PADI6: variants seen among roughly 807,000 people sequenced by gnomAD.
PADI6 encodes peptidyl arginine deiminase 6.
PADI6 carries 66 observed loss-of-function variants against 78.2 expected under a neutral mutation model. The observed-to-expected ratio is 0.84, with a 90% confidence interval of 0.69 to 1.04. The LOEUF (loss-of-function observed/expected upper bound fraction) is 1.04, where lower values mean the gene tolerates loss of function less well. PADI6 is among the 50% of genes least tolerant of loss of function. PADI6 has a pLI of 0.00. For synonymous variants in PADI6, 397 were observed against 346.9 expected, an observed-to-expected ratio of 1.14 and a Z score of -1.60; for missense variants, 854 against 866.1, an observed-to-expected ratio of 0.99 and a Z score of 0.18.
At chr1:17,391,974 G>C in intron 8 of PADI6, 140 bp from the exon 9 acceptor site, 3 of 665,280 alleles carry the variant, frequency 4.5e-6, no homozygotes, top group Non-Finnish European at 7.9e-6. Context: ...GTCAGGGATG[G>C]TTGCTCTGTC....
At chr1:17,397,229 G>T (rs1553154324) in intron 14 of PADI6, 88 bp downstream of exon 14, 1 of 1,466,716 alleles carries the variant, frequency 6.8e-7, no homozygotes, top group East Asian at 2.3e-5. Context: ...CTCCTGAGGG[G>T]TGAAGTGTTG....
chr1:17,388,233 A>G, intron 6 of PADI6, 148 bp from the exon 7 acceptor site: 1 of 674,972 alleles, frequency 1.5e-6, no homozygotes. Flanking sequence ...AATGCTAGAA[A>G]CGGGGATGGC....
chr1:17,378,040 T>C (rs931817846), intron 3 of PADI6, among the ~76,000 whole-genome samples: 1 of 152,224 alleles, frequency 6.6e-6, no homozygotes, highest in African/African-American at 2.4e-5. Flanking sequence ...TTGGCCACTC[T>C]AACCCTTGGC....
chr1:17,387,286 A>G (rs1195366712), intron 6 of PADI6, among the ~76,000 whole-genome samples: 1 of 152,098 alleles, frequency 6.6e-6, no homozygotes, highest in African/African-American at 2.4e-5. Flanking sequence ...TCTACTAAAA[A>G]TACAAAAAAC....
At chr1:17,372,390 G>A (rs747350273) in intron 1 of PADI6, 29 bp downstream of exon 1, 14 of 1,603,936 alleles carry the variant, frequency 8.7e-6, no homozygotes, top group Non-Finnish European at 7.7e-6. Flanking sequence ...TGCCAGAGGT[G>A]GCAGGCAGAC....
intron 4 of PADI6, among the ~76,000 whole-genome samples, chr1:17,380,297 C>T (rs1258226117): frequency 2.6e-5 from 4 of 151,348 alleles, no homozygotes; most frequent in African/African-American, 9.7e-5. Context: ...GTAATCTCCA[C>T]CTCCCAGGTT....
intron 15 of PADI6, 142 bp downstream of exon 15, chr1:17,398,989 C>CATTT (rs2075275122): frequency 3.1e-6 from 3 of 964,536 alleles, no homozygotes; most frequent in Non-Finnish European, 4.5e-6. Flanking sequence ...CCCTTCTCCC[C>CATTT]CATCTCGGTT....
intron 14 of PADI6, among the ~76,000 whole-genome samples, chr1:17,397,432 G>T (rs748005681): frequency 6.6e-6 from 1 of 152,190 alleles, no homozygotes; most frequent in Non-Finnish European, 1.5e-5. Flanking sequence ...GCTTTCTATG[G>T]TGTCAGATGG....
chr1:17,401,519 T>C lies in PADI6; in HGVS notation c.*81T>C. ...TGCAACAGCATGATTCTTTGCCCAG[T>C]AGAGGAGGCTGGAGAGTCCAGGCAA... is the stretch of plus-strand genomic sequence containing the variant. On this transcript the variant is annotated 3_prime_UTR_variant, in exon 16 of 16. Coordinates refer to ENST00000619609, the MANE Select transcript of PADI6 (RefSeq NM_207421.4). 7.7e-6 allele frequency: 10 copies of C among 1,295,782 alleles called. No individual in the cohort carries two copies. Among genetic ancestry groups the C allele is most frequent in the South Asian group, 1.4e-5 (1 of 73,958 alleles). The allele number at this position is 1,295,782 out of a possible 1,614,324, so 80.3% of individuals were successfully genotyped here. A position where few individuals can be genotyped will look rare whatever the true frequency, so the allele number is the denominator to read the frequency against.
At chr1:17,381,477 G>A (rs2075072716) in intron 5 of PADI6, among the ~76,000 whole-genome samples, 1 of 152,214 alleles carries the variant, frequency 6.6e-6, no homozygotes, top group African/African-American at 2.4e-5. Flanking sequence ...AACTATATCA[G>A]TTGGTTGACA....
chr1:17,395,744 G>T (rs1469791843), intron 13 of PADI6, 81 bp downstream of exon 13: 12 of 1,488,848 alleles, frequency 8.1e-6, no homozygotes, highest in East Asian at 2.3e-5. Context: ...ATTCTGTCAC[G>T]CTTGGCGTAA....
chr1:17,398,955 C>A, intron 15 of PADI6, 108 bp downstream of exon 15: 20 of 1,246,852 alleles, frequency 1.6e-5, no homozygotes, highest in Non-Finnish European at 2.1e-5. Context: ...GATAACGGTA[C>A]CTATGAGGAA....
intron 13 of PADI6, among the ~76,000 whole-genome samples, chr1:17,396,321 G>A (rs774914237): frequency 6.6e-6 from 1 of 152,220 alleles, no homozygotes; most frequent in Non-Finnish European, 1.5e-5. Flanking sequence ...GGGAGGTGGA[G>A]GTTGCGGTGA....
intron 6 of PADI6, among the ~76,000 whole-genome samples, chr1:17,383,525 CA>C (rs1470469113): frequency 2.0e-5 from 3 of 152,228 alleles, no homozygotes; most frequent in African/African-American, 7.2e-5. Context: ...TCATGTGGAT[CA>C]TAGCGAACTA....
At chr1:17,382,482 A>G (rs561760550) in intron 6 of PADI6, among the ~76,000 whole-genome samples, 2 of 152,288 alleles carry the variant, frequency 1.3e-5, no homozygotes, top group South Asian at 4.1e-4. Flanking sequence ...ATGATCCACT[A>G]TGTTAAATTT....
chr1:17,382,010 C>T lies in PADI6; in HGVS notation c.597C>T (p.Pro199=). 6.2e-7 allele frequency: 1 copy of T among 1,613,930 alleles called. No individual in the cohort carries two copies. Among genetic ancestry groups the T allele is most frequent in the East Asian group, 2.2e-5 (1 of 44,880 alleles). ...LSQMTLNVQG[P]SCILKKYRLV... ...AGATGACTCTGAATGTCCAAGGCCC[C>T]AGCTGTATCTTAAAGAAATATCGGC... The change falls in exon 6 of 16, where the codon CCC becomes CCT. Residue 199 remains proline, a synonymous_variant. Coordinates refer to ENST00000619609, the MANE Select transcript of PADI6 (RefSeq NM_207421.4).
At chr1:17,375,853 C>T (rs998360598) in intron 3 of PADI6, among the ~76,000 whole-genome samples, 10 of 152,176 alleles carry the variant, frequency 6.6e-5, no homozygotes, top group Admixed American at 2.6e-4. Context: ...TTTCTTGTCT[C>T]ACTAGATCCT....
At chr1:17,379,733 C>T (rs2075054525) in intron 3 of PADI6, among the ~76,000 whole-genome samples, 187 bp from the exon 4 acceptor site, 1 of 152,132 alleles carries the variant, frequency 6.6e-6, no homozygotes, top group South Asian at 2.1e-4. Context: ...ACTACTTGGG[C>T]CTCTCCAGGC....
intron 3 of PADI6, among the ~76,000 whole-genome samples, chr1:17,377,948 C>T (rs1003667269): frequency 6.6e-6 from 1 of 152,214 alleles, no homozygotes; most frequent in Non-Finnish European, 1.5e-5. Context: ...CGAAACTACA[C>T]GAGTAACCCT....
Sources: gnomAD v4.1 joint callset for allele counts (sites outside exome capture counted in the v4.1 genomes callset) on GRCh38, gnomAD v4.1.1 for gene constraint, MANE v1.5 for transcripts, NCBI Gene and HGNC (gene_info 2026-07-23, HGNC 2026-07-21) for gene names.